SCUBE1: variants seen among roughly 807,000 people sequenced by gnomAD.
SCUBE1 encodes the protein signal peptide, CUB domain and EGF like domain containing 1.
In SCUBE1, 59 loss-of-function variants were observed where a neutral mutation model predicts 124.4. The ratio of observed to expected loss-of-function variants is 0.47; its 90% CI spans 0.38 to 0.59. SCUBE1 has a LOEUF of 0.59. SCUBE1 is among the 20% of genes least tolerant of loss of function. The pLI, the probability that SCUBE1 is intolerant of heterozygous loss-of-function variation, is 0.00. For synonymous variants in SCUBE1, 545 were observed against 550.9 expected, an observed-to-expected ratio of 0.99 and a Z score of 0.15; for missense variants, 1,150 against 1,371.2, an observed-to-expected ratio of 0.84 and a Z score of 2.55.
In SCUBE1 at chr22:43,320,091, G is replaced by A. The variant is rs181699577; in HGVS notation, c.221-26C>T. The A allele has an allele frequency of 1.6e-3, 2,573 of 1,612,892 alleles. 26 individuals carry two copies. The highest frequency in any genetic ancestry group is 0.011 in the Middle Eastern group (67 of 6,056). On this transcript the variant is annotated intron_variant, in intron 2 of 21. Transcript: ENST00000360835. Reference sequence around the variant, plus strand: ...CTGCAAAAGGAAGGGCATGAGAGGTGTCAGAAGAAGAGCCTGGTGGTCCCC... The same window carrying A: ...CTGCAAAAGGAAGGGCATGAGAGGTATCAGAAGAAGAGCCTGGTGGTCCCC...
chr22:43,213,009 T>C (rs1209566108), intron 16 of SCUBE1: 1 of 225,530 alleles, frequency 4.4e-6, no homozygotes, highest in Non-Finnish European at 8.7e-6. Context: ...CGCTGCCTGG[T>C]CTACCAGCAG....
intron 4 of SCUBE1, among the ~76,000 whole-genome samples, chr22:43,277,474 C>T (rs1036107413): frequency 1.3e-5 from 2 of 152,154 alleles, no homozygotes; most frequent in Non-Finnish European, 2.9e-5. Context: ...GAGACAGGGG[C>T]TCCTTGTGTC....
At chr22:43,297,616 C>T (rs564790180) in intron 3 of SCUBE1, among the ~76,000 whole-genome samples, 1 of 152,344 alleles carries the variant, frequency 6.6e-6, no homozygotes, top group South Asian at 2.1e-4. Context: ...CATCAGCAGG[C>T]CATAGGTTGA....
intron 4 of SCUBE1, among the ~76,000 whole-genome samples, chr22:43,278,746 C>G (rs144708039): frequency 6.6e-6 from 1 of 152,224 alleles, no homozygotes; most frequent in African/African-American, 2.4e-5. Flanking sequence ...CCTGCCCCCC[C>G]AGTGCAGCTC....
chr22:43,273,442 C>T (rs966211097), intron 4 of SCUBE1, among the ~76,000 whole-genome samples: 2 of 152,034 alleles, frequency 1.3e-5, no homozygotes, highest in East Asian at 1.9e-4. Context: ...TGGGCAACAC[C>T]GAGGTGGGGC....
At chr22:43,302,466 T>C (rs1212119667) in intron 3 of SCUBE1, among the ~76,000 whole-genome samples, 1 of 152,224 alleles carries the variant, frequency 6.6e-6, no homozygotes, top group Non-Finnish European at 1.5e-5. Context: ...CAGTTCCTCC[T>C]TGAACTTCTA....
intron 2 of SCUBE1, among the ~76,000 whole-genome samples, chr22:43,327,595 T>C (rs924766505): frequency 6.6e-6 from 1 of 152,114 alleles, no homozygotes; most frequent in Non-Finnish European, 1.5e-5. Context: ...GAGACCAGCC[T>C]GGCCAACATG....
chr22:43,246,795 C>CCCA (rs1206807112), intron 6 of SCUBE1, among the ~76,000 whole-genome samples: 3 of 152,206 alleles, frequency 2.0e-5, no homozygotes, highest in African/African-American at 7.2e-5. Context: ...GGAGGCAGTG[C>CCCA]CCACCTCTGC....
chr22:43,220,502 C>T lies in SCUBE1; in HGVS notation c.1635G>A (p.Val545=), dbSNP rs1488029679. 7 of 1,614,174 alleles carry T rather than the reference C, an allele frequency of 4.3e-6. No individual in the cohort carries two copies. The East Asian group carries it at 1.1e-4, about 26-fold the overall frequency. ...RRGRKSPSKE[V]SHITAEFEIE... is the part of the protein sequence containing the mutation. The stretch of plus-strand genomic sequence containing the variant: ...TCTCAAACTCTGCTGTGATGTGGGA[C>T]ACCTCCTTGGATGGGGACTTGCGGC... Residue 545 remains valine, a synonymous_variant, in exon 14 of 22, where the codon GTG becomes GTA. Coordinates refer to ENST00000360835, the MANE Select transcript of SCUBE1 (RefSeq NM_173050.5).
intron 2 of SCUBE1, among the ~76,000 whole-genome samples, chr22:43,326,257 T>G (rs1926724427): frequency 2.0e-5 from 3 of 152,168 alleles, no homozygotes; most frequent in Admixed American, 1.3e-4. Context: ...CAAAGACCCC[T>G]TTCCTGGCTG....
At position 43,223,193 on chromosome 22, in the gene SCUBE1, C is replaced by T. The variant is rs1289551558; in HGVS notation, c.1231G>A (p.Ala411Thr). Residue 411 changes from alanine (A) to threonine (T), a missense_variant, in exon 11 of 22, where the codon GCC (alanine) becomes ACC (threonine). By Grantham distance (58) the Ala-to-Thr change is moderately conservative. Around this residue, in one of 3 missense-constraint regions of SCUBE1, gnomAD observed 757 missense variants for 840.9 expected, o/e 0.90. Coordinates refer to ENST00000360835, the MANE Select transcript of SCUBE1 (RefSeq NM_173050.5). ...AGCTGGGCCCGGGGGGAGGTCTTGG[C>T]GCGAGAAAGACACTTGCCTGTCTCT... ...CVETGKCLSR[A>T]KTSPRAQLSC... 18 of 1,572,174 alleles carry T rather than the reference C, an allele frequency of 1.1e-5. No individual in the cohort carries two copies. The highest frequency in any genetic ancestry group is 1.5e-5 in the Non-Finnish European group (18 of 1,167,660).
intron 3 of SCUBE1, among the ~76,000 whole-genome samples, chr22:43,307,284 C>T (rs769808516): frequency 6.6e-5 from 10 of 152,310 alleles, no homozygotes; most frequent in Admixed American, 3.3e-4. Context: ...CTGAGTGAGC[C>T]CTGAGGAACA....
chr22:43,218,495 C>T (rs1434165213), intron 14 of SCUBE1, 37 bp from the exon 15 acceptor site: 2 of 1,596,630 alleles, frequency 1.3e-6, no homozygotes, highest in Admixed American at 3.3e-5. Context: ...GAATCGCTGG[C>T]AACCTTGCTA....
rs370350346 is a variant in SCUBE1, at chr22:43,323,247, T to C, written c.221-3182A>G. ...GTCTATACACATACACACATACACA[T>C]GTGTGCATGCCTATCTACCCAAATA... On this transcript the variant is annotated intron_variant, in intron 2 of 21. Transcript: ENST00000360835. 1.6e-4 allele frequency among the ~76,000 whole-genome samples: 25 copies of C among 152,254 alleles called. No homozygotes were observed. The East Asian group carries it at 1.7e-3, about 11-fold the overall frequency.
intron 20 of SCUBE1, 25 bp from the exon 21 acceptor site, chr22:43,207,638 G>A (rs1363434249): frequency 6.3e-7 from 1 of 1,587,584 alleles, no homozygotes; most frequent in South Asian, 1.1e-5. Context: ...AGCAGGGGGA[G>A]AGGAAGGCGA....
At chr22:43,252,158 C>T (rs719357) in intron 6 of SCUBE1, among the ~76,000 whole-genome samples, 5,297 of 152,354 alleles carry the variant, frequency 0.035, 268 homozygotes, top group African/African-American at 0.11. Context: ...GGGTGACTAT[C>T]ACAAAAAGCA....
chr22:43,280,837 C>CAG (rs1424803612), intron 4 of SCUBE1, among the ~76,000 whole-genome samples: 5 of 85,878 alleles, frequency 5.8e-5, no homozygotes, highest in Non-Finnish European at 1.2e-4. Context: ...TCACCTCCCT[C>CAG]TTTGGCCACC....
At chr22:43,269,143 G>A (rs1022108347) in intron 4 of SCUBE1, among the ~76,000 whole-genome samples, 8 of 152,116 alleles carry the variant, frequency 5.3e-5, no homozygotes, top group Non-Finnish European at 1.0e-4. Flanking sequence ...ACAGCGTCGG[G>A]GAAGACGTGC....
In SCUBE1 at chr22:43,282,676, T is replaced by G. The variant is rs571362824; in HGVS notation, c.484+8370A>C. 3.3e-5 allele frequency: 5 copies of G among 151,916 alleles called. No individual in the cohort carries two copies. In the East Asian group the frequency reaches 9.7e-4, roughly 29 times the overall value. The allele number at this position is 151,916 out of a possible 1,614,324, so 9.4% of individuals were successfully genotyped here. A position where few individuals can be genotyped will look rare whatever the true frequency, so the allele number is the denominator to read the frequency against. On this transcript the variant is annotated intron_variant, in intron 4 of 21. Coordinates refer to ENST00000360835, the MANE Select transcript of SCUBE1 (RefSeq NM_173050.5). ...GTTGGCCACCACCTCAGAAGCCACC[T>G]GCTCTTGCAGGCTTCTTTTTTTTTT...
Sources: allele counts gnomAD v4.1 joint callset (sites outside exome capture counted in the v4.1 genomes callset), GRCh38; gene constraint gnomAD v4.1.1; regional missense constraint gnomAD v4.1.1; transcripts MANE v1.5; gene names NCBI Gene and HGNC (gene_info 2026-07-23, HGNC 2026-07-21).